GADL1: variants seen among roughly 807,000 people sequenced by gnomAD.
The protein encoded by GADL1 is GAD like acidic amino acid decarboxylase 1, also known as acidic amino acid decarboxylase GADL1.
GADL1 carries 71 observed loss-of-function variants against 69.5 expected under a neutral mutation model. The ratio of observed to expected loss-of-function variants is 1.02; its 90% confidence interval spans 0.84 to 1.25. GADL1 has a LOEUF of 1.25. GADL1 is among the 50% of genes most tolerant of loss of function. The probability of loss-of-function intolerance (pLI) is 0.00; values close to 1 mark genes in which losing one functional copy is unlikely to be tolerated. For missense variants in GADL1, 737 were observed against 631.8 expected (o/e 1.17, Z -1.79); for synonymous variants, 254 against 214.4 (o/e 1.18, Z -1.62).
intron 6 of GADL1, among the ~76,000 whole-genome samples, chr3:30,846,073 A>G (rs780461568): frequency 3.1e-4 from 46 of 150,180 alleles, no homozygotes; most frequent in Non-Finnish European, 6.5e-4. Context: ...AAAAAACAAA[A>G]AACTGCAAAA....
intron 14 of GADL1, among the ~76,000 whole-genome samples, chr3:30,758,500 CAA>C (rs568271729): frequency 1.3e-5 from 2 of 151,580 alleles, no homozygotes; most frequent in African/African-American, 2.4e-5. Flanking sequence ...GAGTAACTGA[CAA>C]AAAAACATGA....
rs1382067656 is a variant in GADL1 at position 30,861,764 on chromosome 3, T to C, written c.39A>G (p.Gly13=). ...GAATCATCTCTTGTTGATCAATATC[T>C]CCTGGAAGCAAGCAAACAAATTGTG... The part of the protein sequence containing the change: ...SDSDRQCPVD[G]DIDQQEMIPS... Residue 13 remains glycine, a splice_region_variant and synonymous_variant, in exon 2 of 15, where the codon GGA becomes GGG. Transcript: ENST00000282538. 1 of 1,539,944 alleles carries C rather than the reference T, an allele frequency of 6.5e-7. No individual in the cohort carries two copies. Among genetic ancestry groups the C allele is most frequent in the Admixed American group, 2.0e-5 (1 of 49,442 alleles).
chr3:30,889,641 T>C (rs1698760375), intron 1 of GADL1, among the ~76,000 whole-genome samples: 1 of 152,170 alleles, frequency 6.6e-6, no homozygotes, highest in African/African-American at 2.4e-5. Context: ...TTTCCTACTT[T>C]GAGTTTCTTT....
At chr3:30,864,912 G>T (rs980977920) in intron 1 of GADL1, among the ~76,000 whole-genome samples, 8 of 151,860 alleles carry the variant, frequency 5.3e-5, no homozygotes, top group African/African-American at 1.9e-4. Flanking sequence ...CTCATTTTCT[G>T]TGGACTATTC....
At chr3:30,891,779 T>C (rs972920583) in intron 1 of GADL1, among the ~76,000 whole-genome samples, 2 of 152,098 alleles carry the variant, frequency 1.3e-5, no homozygotes, top group Admixed American at 1.3e-4. Context: ...GAATTTTGCC[T>C]GTTGGGGGTT....
chr3:30,800,644 A>C (rs1436553258), intron 12 of GADL1: 1 of 513,006 alleles, frequency 1.9e-6, no homozygotes, highest in African/African-American at 1.9e-5. Context: ...GTAGGCTAGG[A>C]TCTTGGAGGG....
chr3:30,787,282 G>T (rs1363693268), intron 12 of GADL1, among the ~76,000 whole-genome samples: 1 of 152,170 alleles, frequency 6.6e-6, no homozygotes, highest in African/African-American at 2.4e-5. Context: ...AATGTTGGGG[G>T]AAAGAGAATT....
intron 14 of GADL1, among the ~76,000 whole-genome samples, chr3:30,767,124 C>A (rs1198664899): frequency 6.6e-6 from 1 of 152,090 alleles, no homozygotes; most frequent in Non-Finnish European, 1.5e-5. Flanking sequence ...TTTTAAATAT[C>A]CTCCTGTTAT....
intron 1 of GADL1, among the ~76,000 whole-genome samples, chr3:30,863,112 A>G (rs4245898): frequency 0.16 from 24,351 of 151,672 alleles, 2,537 homozygotes; most frequent in East Asian, 0.37. Flanking sequence ...CAGGGATACC[A>G]TATTTTCCCT....
chr3:30,787,666 T>C (rs1039595448), intron 12 of GADL1, among the ~76,000 whole-genome samples: 1 of 152,194 alleles, frequency 6.6e-6, no homozygotes. Flanking sequence ...CCTATGATCA[T>C]GTCACTAAAT....
intron 1 of GADL1, among the ~76,000 whole-genome samples, chr3:30,892,668 A>G (rs1398244843): frequency 6.6e-6 from 1 of 152,178 alleles, no homozygotes; most frequent in African/African-American, 2.4e-5. Context: ...AAAAGTTTCT[A>G]TCATATTTCT....
chr3:30,830,808 A>G (rs1038801423), intron 11 of GADL1, among the ~76,000 whole-genome samples: 2 of 151,808 alleles, frequency 1.3e-5, no homozygotes, highest in Non-Finnish European at 2.9e-5. Context: ...AAGAACCTCA[A>G]ATTTACTATG....
chr3:30,761,701 TTG>T (rs1302360479), intron 14 of GADL1, among the ~76,000 whole-genome samples: 5 of 131,550 alleles, frequency 3.8e-5, no homozygotes, highest in East Asian at 2.1e-4. Flanking sequence ...ACATATCCAT[TTG>T]TGTGTGAGGG....
At chr3:30,834,398 T>C in intron 9 of GADL1, 117 bp from the exon 10 acceptor site, 2 of 803,490 alleles carry the variant, frequency 2.5e-6, no homozygotes, top group Non-Finnish European at 4.1e-6. Context: ...ATATTTTATG[T>C]CATGTTAACT....
intron 14 of GADL1, among the ~76,000 whole-genome samples, chr3:30,760,729 T>TG (rs1696106136): frequency 6.6e-6 from 1 of 152,154 alleles, no homozygotes; most frequent in Non-Finnish European, 1.5e-5. Flanking sequence ...TGTAAAGCAA[T>TG]GAGTGGTTTT....
At chr3:30,877,371 G>A (rs747343797) in intron 1 of GADL1, among the ~76,000 whole-genome samples, 9 of 151,906 alleles carry the variant, frequency 5.9e-5, no homozygotes, top group Non-Finnish European at 1.2e-4. Context: ...CTTATGTTCC[G>A]CAATTACTTT....
At chr3:30,861,029 A>G (rs954479254) in intron 2 of GADL1, among the ~76,000 whole-genome samples, 1 of 152,018 alleles carries the variant, frequency 6.6e-6, no homozygotes, top group Non-Finnish European at 1.5e-5. Flanking sequence ...TCTAATATCA[A>G]TTTGAATTGA....
intron 1 of GADL1, among the ~76,000 whole-genome samples, chr3:30,873,580 C>A (rs894456624): frequency 1.3e-5 from 2 of 151,726 alleles, no homozygotes; most frequent in Middle Eastern, 3.2e-3. Flanking sequence ...AAGCAATAAG[C>A]GATTATCTTA....
intron 8 of GADL1, among the ~76,000 whole-genome samples, chr3:30,843,151 G>A (rs982822262): frequency 3.3e-5 from 5 of 152,030 alleles, no homozygotes; most frequent in Admixed American, 1.3e-4. Flanking sequence ...ATTGGAGAAC[G>A]GTCTGAAGCT....
Sources: allele counts gnomAD v4.1 joint callset (sites outside exome capture counted in the v4.1 genomes callset), GRCh38; gene constraint gnomAD v4.1.1; transcripts MANE v1.5; gene names NCBI Gene and HGNC (gene_info 2026-07-23, HGNC 2026-07-21).